SLC25A46: variants seen among roughly 807,000 people sequenced by gnomAD.
SLC25A46 encodes mitochondrial outer membrane protein SLC25A46.
In SLC25A46, 39 loss-of-function variants were observed where a neutral mutation model predicts 44.6. The observed-to-expected ratio is 0.87, with a 90% CI of 0.68 to 1.14. The LOEUF (loss-of-function observed/expected upper bound fraction) is 1.14, where lower values mean the gene tolerates loss of function less well. Ranked by LOEUF, SLC25A46 falls within the 50% of genes most tolerant of loss-of-function variation. The pLI is 0.00. For synonymous variants in SLC25A46, 202 were observed against 185.8 expected, an observed-to-expected ratio of 1.09 and a Z score of -0.71; for missense variants, 547 against 522.7, an observed-to-expected ratio of 1.05 and a Z score of -0.45.
chr5:110,742,623 A>G (rs1326086320), intron 2 of SLC25A46, among the ~76,000 whole-genome samples: 1 of 152,082 alleles, frequency 6.6e-6, no homozygotes, highest in Non-Finnish European at 1.5e-5. Flanking sequence ...ACCTGTTTGC[A>G]GATCTGGTTT....
At position 110,739,058 on chromosome 5, in the gene SLC25A46, G is replaced by A. The variant is rs1474421856; in HGVS notation, c.-62G>A. The A allele has an allele frequency of 2.0e-6, 3 of 1,526,344 alleles. No individual in the cohort carries two copies. Among genetic ancestry groups the A allele is most frequent in the African/African-American group, 1.4e-5 (1 of 72,122 alleles). 94.6% of individuals were successfully genotyped at this position (1,526,344 alleles called of 1,614,324 possible). A position where few individuals can be genotyped will look rare whatever the true frequency, so the allele number is the denominator to read the frequency against. On this transcript the variant is annotated 5_prime_UTR_variant, in exon 1 of 8. Coordinates refer to ENST00000355943, the MANE Select transcript of SLC25A46 (RefSeq NM_138773.4). ...CCGACGGGAAGCTGTGTGTGCTTAG[G>A]TCGTGGTGGCCCCGGTGGTGGTGGG...
chr5:110,738,165 G>A, upstream of SLC25A46: 8 of 1,228,326 alleles, frequency 6.5e-6, no homozygotes, highest in South Asian at 9.3e-5. Context: ...CGAGTTGAAG[G>A]AACATAGGAT....
At chr5:110,744,467 G>C (rs1459275768) in intron 3 of SLC25A46, among the ~76,000 whole-genome samples, 1 of 152,154 alleles carries the variant, frequency 6.6e-6, no homozygotes, top group East Asian at 1.9e-4. Context: ...TTGTGCATAA[G>C]TTATTTGAAA....
chr5:110,749,490 C>G (rs912659123), intron 5 of SLC25A46, among the ~76,000 whole-genome samples: 4 of 131,308 alleles, frequency 3.0e-5, no homozygotes, highest in African/African-American at 1.2e-4. Context: ...TACATGTGTG[C>G]CGTGTGTGTG....
In SLC25A46 at chr5:110,761,814, G is replaced by GAT. The variant is rs1561610393; in HGVS notation, c.*36_*37dup. On this transcript the variant is annotated 3_prime_UTR_variant, in exon 8 of 8. Transcript: ENST00000355943. This position sits in a 1 kb window ranked among gnomAD's most constrained non-coding sequence, Gnocchi z 5.3. ...GGTTCCTTCACTGAGTAGTCTGGAA[G>GAT]ATATAATCTGGATAATTTGCTATGA... The GAT allele has an allele frequency of 6.6e-7, 1 of 1,518,296 alleles. No homozygotes were observed. The highest frequency in any genetic ancestry group is 8.9e-7 in the Non-Finnish European group (1 of 1,120,850). 94.1% of individuals were successfully genotyped at this position (1,518,296 alleles called of 1,614,324 possible).
Position 110,761,305 on chromosome 5 carries a change from G to T in SLC25A46, c.780G>T (p.Pro260=), listed in dbSNP as rs766154121. 5.1e-5 allele frequency: 83 copies of T among 1,613,610 alleles called. No homozygotes were observed. The highest frequency in any genetic ancestry group is 7.0e-5 in the Non-Finnish European group (83 of 1,179,798). ...MGVPHSKRLL[P]LLSLIFPTVL... is the part of the protein sequence containing the mutation. ...TGCCTCATAGCAAACGACTTCTTCC[G>T]CTTCTTTCCTTGATCTTCCCTACGG... The change falls in exon 8 of 8, where the codon CCG becomes CCT. Residue 260 remains proline, a synonymous_variant. Coordinates refer to ENST00000355943, the MANE Select transcript of SLC25A46 (RefSeq NM_138773.4). This position sits in a 1 kb window ranked among gnomAD's most constrained non-coding sequence, Gnocchi z 5.3.
At chr5:110,747,755 G>T (rs577011261) in intron 4 of SLC25A46, among the ~76,000 whole-genome samples, 22 of 152,170 alleles carry the variant, frequency 1.4e-4, no homozygotes, top group African/African-American at 4.8e-4. Flanking sequence ...TAGATATATT[G>T]TTTGGACACT....
chr5:110,738,205 G>A (rs553862975), upstream of SLC25A46: 228 of 1,286,684 alleles, frequency 1.8e-4, 1 homozygote, highest in South Asian at 2.8e-3. Flanking sequence ...TCAGATCTGG[G>A]GAGGGAGCCT....
rs1326802891 is a variant in SLC25A46, at chr5:110,739,327, T to G, written c.208T>G (p.Ser70Ala). Reference sequence around the variant, plus strand: ...CCCGCCCTACGGCGTGCCCACCACCTCCACCCCGTACGAAGGCCCCACGGA... The same window carrying G: ...CCCGCCCTACGGCGTGCCCACCACCGCCACCCCGTACGAAGGCCCCACGGA... ...KSPPYGVPTTSTPYEGPTEEP... is the reference protein window; with the variant it reads ...KSPPYGVPTTATPYEGPTEEP... Residue 70 changes from serine to alanine, a missense_variant, in exon 1 of 8, where the codon TCC becomes GCC. Ser to Ala is a moderately conservative substitution (Grantham distance 99). Coordinates refer to ENST00000355943, the MANE Select transcript of SLC25A46 (RefSeq NM_138773.4). 1 of 1,566,228 alleles carries G rather than the reference T, an allele frequency of 6.4e-7. No homozygotes were observed. Among genetic ancestry groups the G allele is most frequent in the Admixed American group, 1.9e-5 (1 of 52,812 alleles).
chr5:110,744,601 G>A (rs532726449), intron 3 of SLC25A46, among the ~76,000 whole-genome samples: 2 of 152,264 alleles, frequency 1.3e-5, no homozygotes, highest in Admixed American at 1.3e-4. Flanking sequence ...AGTATTGTCA[G>A]CTCTTGACGA....
intron 4 of SLC25A46, 61 bp from the exon 5 acceptor site, chr5:110,748,102 A>G: frequency 8.7e-7 from 1 of 1,154,120 alleles, no homozygotes; most frequent in Non-Finnish European, 1.3e-6. Context: ...AGTTTTATTA[A>G]GATCTTTTGT....
Position 110,746,264 on chromosome 5 carries a change from T to C in SLC25A46, c.385-5T>C. The C allele has an allele frequency of 6.4e-7, 1 of 1,561,002 alleles. No individual in the cohort carries two copies. Among genetic ancestry groups the C allele is most frequent in the South Asian group, 1.2e-5 (1 of 84,236 alleles). Reference sequence around the variant, plus strand: ...GAAAAAAATAATGAAATATCTTTTTTACAGGTTAATTACCATGCTCAGCAT... The same window carrying C: ...GAAAAAAATAATGAAATATCTTTTTCACAGGTTAATTACCATGCTCAGCAT... On this transcript the variant is annotated splice_polypyrimidine_tract_variant and splice_region_variant and intron_variant, in intron 3 of 7. Coordinates refer to ENST00000355943, the MANE Select transcript of SLC25A46 (RefSeq NM_138773.4).
At chr5:110,744,378 T>C (rs1799764408) in intron 3 of SLC25A46, among the ~76,000 whole-genome samples, 1 of 152,250 alleles carries the variant, frequency 6.6e-6, no homozygotes, top group Non-Finnish European at 1.5e-5. Flanking sequence ...GAACTTTTTA[T>C]ACTTTGTTAC....
chr5:110,748,107 T>G, intron 4 of SLC25A46, 56 bp from the exon 5 acceptor site: 1 of 1,226,370 alleles, frequency 8.2e-7, no homozygotes, highest in Non-Finnish European at 1.2e-6. Flanking sequence ...TATTAAGATC[T>G]TTTGTGTTTC....
At chr5:110,742,464 C>A (rs1189946704) in intron 2 of SLC25A46, among the ~76,000 whole-genome samples, 2 of 151,936 alleles carry the variant, frequency 1.3e-5, no homozygotes, top group African/African-American at 4.8e-5. Context: ...GAACTTTTTT[C>A]ATAGGACATT....
intron 5 of SLC25A46, 35 bp downstream of exon 5, chr5:110,748,298 A>G (rs778989192): frequency 1.9e-6 from 3 of 1,541,598 alleles, no homozygotes; most frequent in Non-Finnish European, 9.0e-7. Flanking sequence ...TATTAGTTTC[A>G]TGTGGTGATG....
At position 110,739,116 on chromosome 5, in the gene SLC25A46, T is replaced by G; in HGVS notation, c.-4T>G. The G allele has an allele frequency of 6.5e-7, 1 of 1,546,238 alleles. No individual in the cohort carries two copies. ...CGGGCTCGCGTCATCCTGCCCCCGC[T>G]GCGATGCATCCGCGGCGCCCGGACG... is the stretch of plus-strand genomic sequence containing the variant. On this transcript the variant is annotated 5_prime_UTR_variant, in exon 1 of 8. Transcript: ENST00000355943.
In SLC25A46 at chr5:110,756,814, T is replaced by A. The variant is rs979789095; in HGVS notation, c.678+55T>A. 2.3e-6 allele frequency: 3 copies of A among 1,282,552 alleles called. No homozygotes were observed. The African/African-American group carries it at 4.6e-5, about 20-fold the overall frequency. 79.4% of individuals were successfully genotyped at this position (1,282,552 alleles called of 1,614,324 possible). A position where few individuals can be genotyped will look rare whatever the true frequency, so the allele number is the denominator to read the frequency against. ...TTATTTAAGAATAGTTTTTTGACTA[T>A]TCAGTATATTGTAGATATCTAACAT... On this transcript the variant is annotated intron_variant, in intron 7 of 7. Coordinates refer to ENST00000355943, the MANE Select transcript of SLC25A46 (RefSeq NM_138773.4).
chr5:110,750,734 C>T (rs972926812), intron 5 of SLC25A46, among the ~76,000 whole-genome samples: 15 of 151,992 alleles, frequency 9.9e-5, no homozygotes, highest in Non-Finnish European at 1.3e-4. Context: ...ATTGTAAATC[C>T]GTAGTTGCCT....
Sources: allele counts gnomAD v4.1 joint callset (sites outside exome capture counted in the v4.1 genomes callset), GRCh38; gene constraint gnomAD v4.1.1; non-coding constraint Gnocchi (gnomAD v3.1); transcripts MANE v1.5; gene names NCBI Gene and HGNC (gene_info 2026-07-23, HGNC 2026-07-21).